Variants in ATRNL1 observed in about 807,000 individuals in gnomAD.
ATRNL1 encodes the protein attractin like 1, also known as attractin-like protein 1.
A neutral mutation model predicts 182.7 loss-of-function variants in ATRNL1; 95 were observed. The observed-to-expected ratio is 0.52, with a 90% CI of 0.44 to 0.62. The LOEUF is 0.62. Ranked by LOEUF, ATRNL1 falls within the 20% of genes least tolerant of loss-of-function variation. The probability of loss-of-function intolerance (pLI) is 0.00; values close to 1 mark genes in which losing one functional copy is unlikely to be tolerated. For synonymous variants in ATRNL1, 576 were observed against 568.3 expected (o/e 1.01, Z -0.19); for missense variants, 1,471 against 1,679.5 (o/e 0.88, Z 2.17).
At chr10:115,548,843 T>C (rs1554994636) in intron 25 of ATRNL1, among the ~76,000 whole-genome samples, 1 of 152,084 alleles carries the variant, frequency 6.6e-6, no homozygotes, top group Non-Finnish European at 1.5e-5. Context: ...TTGTGCATTG[T>C]AGAATTCTTG....
chr10:115,924,760 A>C (rs781982085), intron 28 of ATRNL1, among the ~76,000 whole-genome samples: 11 of 152,172 alleles, frequency 7.2e-5, no homozygotes, highest in Middle Eastern at 3.2e-3. Context: ...GTGAAATCTA[A>C]AGTAGTTTTT....
intron 19 of ATRNL1, among the ~76,000 whole-genome samples, chr10:115,362,884 T>G (rs1165918486): frequency 6.6e-6 from 1 of 151,462 alleles, no homozygotes; most frequent in African/African-American, 2.4e-5. Flanking sequence ...TATTCCATGG[T>G]GTATATGTGC....
In ATRNL1 at chr10:115,362,641, G is replaced by C. The variant is rs546320788; in HGVS notation, c.3175+28222G>C. ...CCCACTAACTCGTCATCTAGCATTA[G>C]GTATATCTCCCAATGCTATCCCTCC... On this transcript the variant is annotated intron_variant, in intron 19 of 28. Transcript: ENST00000355044. Among the ~76,000 whole-genome samples the C allele has an allele frequency of 6.6e-3, 1,010 of 151,922 alleles. 12 individuals are homozygous for C. The highest frequency in any genetic ancestry group is 0.023 in the African/African-American group (969 of 41,442).
At chr10:115,500,248 G>A (rs551970832) in intron 24 of ATRNL1, among the ~76,000 whole-genome samples, 5 of 152,258 alleles carry the variant, frequency 3.3e-5, no homozygotes, top group South Asian at 4.1e-4. Context: ...AGGGCTTCAC[G>A]AAAGCACAGC....
intron 26 of ATRNL1, among the ~76,000 whole-genome samples, chr10:115,688,941 A>G (rs1330365021): frequency 2.0e-5 from 3 of 152,132 alleles, no homozygotes; most frequent in Non-Finnish European, 4.4e-5. Flanking sequence ...GTCTTAATTT[A>G]AGTCATTAAT....
In ATRNL1 at chr10:115,094,062, C is replaced by T. The variant is rs1157454877; in HGVS notation, c.293+19C>T. ...GGTTCAAGTAAGTGCCTTCGCCGGA[C>T]CCCGAACCTCCAGCCCTGCCTCGCT... On this transcript the variant is annotated intron_variant, in intron 1 of 28. Coordinates refer to ENST00000355044, the MANE Select transcript of ATRNL1 (RefSeq NM_207303.4). The T allele has an allele frequency of 5.6e-6, 8 of 1,436,628 alleles. No homozygotes were observed. The highest frequency in any genetic ancestry group is 7.4e-6 in the Non-Finnish European group (8 of 1,088,214). 89.0% of individuals were successfully genotyped at this position (1,436,628 alleles called of 1,614,324 possible). A position where few individuals can be genotyped will look rare whatever the true frequency, so the allele number is the denominator to read the frequency against.
At chr10:115,517,246 T>C (rs1445129605) in intron 24 of ATRNL1, among the ~76,000 whole-genome samples, 1 of 151,940 alleles carries the variant, frequency 6.6e-6, no homozygotes, top group Non-Finnish European at 1.5e-5. Context: ...TTTTGGTGCA[T>C]ATTGTTTTAT....
intron 9 of ATRNL1, among the ~76,000 whole-genome samples, chr10:115,223,913 G>GTATATATATATA (rs782380839): frequency 1.8e-4 from 10 of 55,936 alleles, no homozygotes; most frequent in African/African-American, 8.4e-4. Context: ...GTGTGTGTGT[G>GTATATATATATA]TATATATATA....
intron 5 of ATRNL1, among the ~76,000 whole-genome samples, chr10:115,158,329 C>T (rs190434299): frequency 1.3e-4 from 20 of 152,042 alleles, no homozygotes; most frequent in Non-Finnish European, 2.9e-5. Flanking sequence ...AGTTACATGG[C>T]TCTGTTGCAA....
intron 28 of ATRNL1, among the ~76,000 whole-genome samples, chr10:115,939,777 G>C (rs553509406): frequency 8.9e-4 from 136 of 152,244 alleles, no homozygotes; most frequent in Middle Eastern, 3.4e-3. Context: ...CATGGGCCCA[G>C]CATCCAACTA....
chr10:115,722,240 G>A (rs1947450830), intron 26 of ATRNL1, among the ~76,000 whole-genome samples: 1 of 146,506 alleles, frequency 6.8e-6, no homozygotes, highest in Non-Finnish European at 1.5e-5. Flanking sequence ...TTGCCGGCAG[G>A]TCAAAGATTA....
At chr10:115,155,935 C>T (rs1050093823) in intron 5 of ATRNL1, among the ~76,000 whole-genome samples, 12 of 151,880 alleles carry the variant, frequency 7.9e-5, no homozygotes, top group African/African-American at 2.7e-4. Context: ...GTTGGGGTAT[C>T]GTGGGGTGCT....
chr10:115,678,872 G>C (rs11197405), intron 26 of ATRNL1, among the ~76,000 whole-genome samples: 1,769 of 152,172 alleles, frequency 0.012, 34 homozygotes, highest in African/African-American at 0.04. Flanking sequence ...TCTGACTTGG[G>C]TTTCTTGGTC....
At chr10:115,580,228 G>C (rs1854984151) in intron 26 of ATRNL1, among the ~76,000 whole-genome samples, 3 of 151,978 alleles carry the variant, frequency 2.0e-5, no homozygotes, top group Admixed American at 2.0e-4. Flanking sequence ...TCATGTTGCT[G>C]TTTGGCATCC....
chr10:115,677,465 G>A (rs530835847), intron 26 of ATRNL1, among the ~76,000 whole-genome samples: 1 of 152,130 alleles, frequency 6.6e-6, no homozygotes, highest in African/African-American at 2.4e-5. Flanking sequence ...ACGTGTTGTG[G>A]GAGGGACCCA....
At chr10:115,204,444 T>C (rs1411805126) in intron 8 of ATRNL1, among the ~76,000 whole-genome samples, 3 of 152,138 alleles carry the variant, frequency 2.0e-5, no homozygotes, top group Non-Finnish European at 2.9e-5. Flanking sequence ...GCTTTTATTA[T>C]GTTGAAGTAC....
chr10:115,143,457 A>G (rs1450731805), intron 5 of ATRNL1, among the ~76,000 whole-genome samples: 2 of 151,194 alleles, frequency 1.3e-5, no homozygotes, highest in Non-Finnish European at 1.5e-5. Flanking sequence ...TACTCTTAAC[A>G]TGGTTTATCA....
chr10:115,603,155 G>A (rs536688901), intron 26 of ATRNL1, among the ~76,000 whole-genome samples: 47 of 152,146 alleles, frequency 3.1e-4, no homozygotes, highest in African/African-American at 1.1e-3. Flanking sequence ...TCATTTCATA[G>A]GCATAATGAA....
intron 5 of ATRNL1, among the ~76,000 whole-genome samples, chr10:115,140,499 A>T (rs1592156139): frequency 6.6e-6 from 1 of 152,232 alleles, no homozygotes. Context: ...GCTTCAGCAT[A>T]CAATTTTTTC....
Sources: allele counts gnomAD v4.1 joint callset (sites outside exome capture counted in the v4.1 genomes callset), GRCh38; gene constraint gnomAD v4.1.1; transcripts MANE v1.5; gene names NCBI Gene and HGNC (gene_info 2026-07-23, HGNC 2026-07-21).